The following ZNF469 variants were observed in gnomAD, a reference collection of about 807,000 sequenced individuals.
ZNF469 encodes zinc finger protein 469.
In ZNF469, 1 loss-of-function variant was observed where a neutral mutation model predicts 1.0. The observed-to-expected ratio is 1.00, with a 90% CI of 0.35 to 4.73. The LOEUF is 4.73. Among genes scored for constraint, ZNF469 ranks in the 30% most tolerant of loss-of-function variants. The probability of loss-of-function intolerance (pLI) is 0.16; values close to 1 mark genes in which losing one functional copy is unlikely to be tolerated. For synonymous variants in ZNF469, 2,703 were observed against 2,363.4 expected (o/e 1.14, Z -4.17); for missense variants, 6,100 against 5,356.3 (o/e 1.14, Z -4.33).
the ZNF469 span, among the ~76,000 whole-genome samples, chr16:88,227,769 A>C: frequency 6.6e-6 from 1 of 152,156 alleles, no homozygotes; most frequent in South Asian, 2.1e-4. Flanking sequence ...GGAGGCTTAA[A>C]ACAACAGAAA....
the ZNF469 span, among the ~76,000 whole-genome samples, chr16:88,231,343 G>A: frequency 6.6e-6 from 1 of 152,198 alleles, no homozygotes; most frequent in Non-Finnish European, 1.5e-5. The surrounding 1 kb of genome is among the most constrained non-coding windows in gnomAD (Gnocchi z 4.5). Context: ...CCCTGTGAAA[G>A]AGAAGCCCCA....
chr16:88,299,607 G>C, the ZNF469 span, among the ~76,000 whole-genome samples: 3,976 of 152,282 alleles, frequency 0.026, 183 homozygotes, highest in East Asian at 0.16. Flanking sequence ...GGTGTGGGCG[G>C]TGGCAGTCTC....
chr16:88,334,619 C>T, the ZNF469 span, among the ~76,000 whole-genome samples: 1 of 152,202 alleles, frequency 6.6e-6, no homozygotes, highest in East Asian at 1.9e-4. Context: ...CAATTCATGT[C>T]CACCTGGAGC....
the ZNF469 span, among the ~76,000 whole-genome samples, chr16:88,169,284 C>T: frequency 1.3e-5 from 2 of 152,196 alleles, no homozygotes; most frequent in East Asian, 3.8e-4. This position sits in a 1 kb window ranked among gnomAD's most constrained non-coding sequence, Gnocchi z 6.1. Flanking sequence ...TCAATTGCTG[C>T]TCTCTGAGTT....
In ZNF469 at chr16:88,439,003, C is replaced by A. The variant is rs1252351683; in HGVS notation, c.11533C>A (p.Pro3845Thr). Residue 3845 changes from proline (P) to threonine (T), a missense_variant, in exon 3 of 3, where the codon CCC becomes ACC. Transcript: ENST00000565624. ...GRAPSAPDKP[P>T]RTPRKQATPS... ...AGCCCCCTCAGCCCCTGACAAGCCC[C>A]CCCGGACCCCTCGGAAGCAGGCAAC... 1.3e-6 allele frequency: 2 copies of A among 1,550,322 alleles called. No individual in the cohort carries two copies.
At chr16:88,150,978 C>A in the ZNF469 span, among the ~76,000 whole-genome samples, 1 of 152,070 alleles carries the variant, frequency 6.6e-6, no homozygotes, top group Non-Finnish European at 1.5e-5. Flanking sequence ...AAGTATCGTC[C>A]AAAGAAGTCC....
chr16:88,143,995 G>A, the ZNF469 span, among the ~76,000 whole-genome samples: 10 of 151,886 alleles, frequency 6.6e-5, no homozygotes, highest in African/African-American at 2.4e-4. Flanking sequence ...CAGCGTTTAC[G>A]AGGGTCTGCC....
At chr16:88,243,626 T>G in the ZNF469 span, among the ~76,000 whole-genome samples, 2 of 151,982 alleles carry the variant, frequency 1.3e-5, no homozygotes, top group African/African-American at 4.8e-5. Context: ...CCAGAGGAGA[T>G]GCCTCCTCTG....
intron 1 of ZNF469, among the ~76,000 whole-genome samples, chr16:88,394,348 A>G (rs1197770147): frequency 6.6e-6 from 1 of 151,578 alleles, no homozygotes; most frequent in African/African-American, 2.4e-5. Flanking sequence ...CTCAAGTTTC[A>G]GGTGCTCAGT....
the ZNF469 span, among the ~76,000 whole-genome samples, chr16:88,247,692 A>G: frequency 6.6e-6 from 1 of 152,064 alleles, no homozygotes; most frequent in Non-Finnish European, 1.5e-5. Context: ...TGAATGAGTG[A>G]GTGAGTGAGT....
chr16:88,146,760 G>C, the ZNF469 span, among the ~76,000 whole-genome samples: 1 of 152,096 alleles, frequency 6.6e-6, no homozygotes, highest in Non-Finnish European at 1.5e-5. Context: ...GAGAGAAGGG[G>C]CTGCTGTCTG....
Position 88,433,503 on chromosome 16 carries a change from C to T in ZNF469, c.6033C>T (p.Gly2011=), listed in dbSNP as rs1030827558. 6 of 1,550,278 alleles carry T rather than the reference C, an allele frequency of 3.9e-6. No individual in the cohort carries two copies. In the Admixed American group the frequency reaches 1.2e-4, roughly 30 times the overall value. The change falls in exon 3 of 3, where the codon GGC becomes GGT. Residue 2011 remains glycine, a synonymous_variant. Coordinates refer to ENST00000565624, the MANE Select transcript of ZNF469 (RefSeq NM_001367624.2). ...LQPENGVSPG[G]TDNHASVNAS... ...CAGAGAACGGGGTGAGCCCAGGGGG[C>T]ACGGACAACCACGCCTCAGTCAATG...
At chr16:88,377,251 C>T in the ZNF469 span, among the ~76,000 whole-genome samples, 1 of 152,210 alleles carries the variant, frequency 6.6e-6, no homozygotes, top group African/African-American at 2.4e-5. Flanking sequence ...GGGGGACTTC[C>T]CAGGGGAGGG....
chr16:88,390,990 G>A (rs1359474454), intron 1 of ZNF469, among the ~76,000 whole-genome samples: 1 of 152,236 alleles, frequency 6.6e-6, no homozygotes. Context: ...CCACAGGCCC[G>A]GGTGAATGGC....
the ZNF469 span, among the ~76,000 whole-genome samples, chr16:88,296,756 C>T: frequency 1.3e-5 from 2 of 152,174 alleles, no homozygotes; most frequent in Non-Finnish European, 2.9e-5. Context: ...TACACAGGTG[C>T]ACATACATGC....
chr16:88,131,676 A>T, the ZNF469 span, among the ~76,000 whole-genome samples: 4 of 152,218 alleles, frequency 2.6e-5, no homozygotes, highest in Non-Finnish European at 5.9e-5. Flanking sequence ...CCCACGTGCC[A>T]GTGCAGGGAG....
chr16:88,318,079 GGA>G, the ZNF469 span, among the ~76,000 whole-genome samples: 1 of 152,322 alleles, frequency 6.6e-6, no homozygotes, highest in East Asian at 1.9e-4. Flanking sequence ...GTCCCCATGA[GGA>G]GAGGGACCTG....
rs1229733477 is a variant in ZNF469, at chr16:88,428,106, G to C, written c.636G>C (p.Gln212His). 1.3e-5 allele frequency: 20 copies of C among 1,549,556 alleles called. No homozygotes were observed. The highest frequency in any genetic ancestry group is 3.9e-5 in the Admixed American group (2 of 50,978). Reference sequence around the variant, plus strand: ...GGCCCCCAGCCCCGGGGCCCCCCCAGAGCAGGGGCACCAGCCCCCTCCAGC... The same window carrying C: ...GGCCCCCAGCCCCGGGGCCCCCCCACAGCAGGGGCACCAGCCCCCTCCAGC... ...TPRPPAPGPP[Q>H]SRGTSPLQPG... The change falls in exon 3 of 3, where the codon CAG becomes CAC. Residue 212 changes from glutamine (Q) to histidine (H), a missense_variant. Coordinates refer to ENST00000565624, the MANE Select transcript of ZNF469 (RefSeq NM_001367624.2).
the ZNF469 span, among the ~76,000 whole-genome samples, chr16:88,118,499 GCTGA>G: frequency 1.3e-5 from 2 of 152,170 alleles, no homozygotes; most frequent in Non-Finnish European, 2.9e-5. Flanking sequence ...TACCATTTGG[GCTGA>G]CTCTCTGCTT....
Sources: allele counts gnomAD v4.1 joint callset (sites outside exome capture counted in the v4.1 genomes callset), GRCh38; gene constraint gnomAD v4.1.1; non-coding constraint Gnocchi (gnomAD v3.1); transcripts MANE v1.5; gene names NCBI Gene and HGNC (gene_info 2026-07-23, HGNC 2026-07-21).